The following DOCK4 variants were observed in gnomAD, a reference collection of about 807,000 sequenced individuals.
The protein encoded by DOCK4 is dedicator of cytokinesis protein 4.
DOCK4 carries 97 observed loss-of-function variants against 268.1 expected under a neutral mutation model. That is an observed-to-expected ratio of 0.36 (90% CI 0.31 to 0.43). DOCK4 has a LOEUF of 0.43. Ranked by LOEUF, DOCK4 falls within the 20% of genes least tolerant of loss-of-function variation. The pLI, the probability that DOCK4 is intolerant of heterozygous loss-of-function variation, is 1.00. For missense variants in DOCK4, 2,145 were observed against 2,455.7 expected, an observed-to-expected ratio of 0.87 and a Z score of 2.67; for synonymous variants, 954 against 887.2, an observed-to-expected ratio of 1.08 and a Z score of -1.34.
chr7:112,062,769 TC>T (rs1806544289), intron 1 of DOCK4, among the ~76,000 whole-genome samples: 1 of 152,144 alleles, frequency 6.6e-6, no homozygotes, highest in Non-Finnish European at 1.5e-5. Flanking sequence ...AACCTCCACC[TC>T]CCGGGTTCAA....
intron 1 of DOCK4, among the ~76,000 whole-genome samples, chr7:112,204,910 A>ACAC: frequency 8.1e-6 from 1 of 123,250 alleles, no homozygotes; most frequent in Non-Finnish European, 1.9e-5. Context: ...CACACACACA[A>ACAC]AGTACACCAG....
intron 1 of DOCK4, among the ~76,000 whole-genome samples, chr7:112,173,381 A>C (rs762835428): frequency 6.6e-6 from 1 of 152,180 alleles, no homozygotes; most frequent in Non-Finnish European, 1.5e-5. Flanking sequence ...TTGTTGTACT[A>C]AATTATTTTC....
chr7:111,760,358 T>A, intron 39 of DOCK4, 36 bp from the exon 40 acceptor site: 1 of 1,598,298 alleles, frequency 6.3e-7, no homozygotes, highest in Non-Finnish European at 8.5e-7. Flanking sequence ...TAGGGCTATA[T>A]AACTGAGTGG....
chr7:112,136,442 G>T (rs1176570001), intron 1 of DOCK4, among the ~76,000 whole-genome samples: 2 of 152,106 alleles, frequency 1.3e-5, no homozygotes, highest in Admixed American at 1.3e-4. Context: ...AGACAATTAC[G>T]AGAAGATAAA....
At chr7:111,963,299 G>T (rs981825003) in intron 8 of DOCK4, among the ~76,000 whole-genome samples, 1 of 146,140 alleles carries the variant, frequency 6.8e-6, no homozygotes, top group Non-Finnish European at 1.5e-5. Context: ...GAGGTACCGG[G>T]TTCATCTCAC....
At chr7:111,848,735 G>T (rs1020705384) in intron 23 of DOCK4, among the ~76,000 whole-genome samples, 3 of 152,058 alleles carry the variant, frequency 2.0e-5, no homozygotes, top group East Asian at 1.9e-4. Flanking sequence ...TGGGGGCAGG[G>T]AACTTAAGGC....
chr7:111,939,264 C>T (rs757830789), intron 11 of DOCK4, among the ~76,000 whole-genome samples: 6 of 151,946 alleles, frequency 3.9e-5, no homozygotes, highest in Non-Finnish European at 7.4e-5. Flanking sequence ...GCCTGTAATC[C>T]CAGCACTTTG....
chr7:112,122,409 T>A (rs1337240408), intron 1 of DOCK4, among the ~76,000 whole-genome samples: 1 of 148,256 alleles, frequency 6.7e-6, no homozygotes, highest in Non-Finnish European at 1.5e-5. Flanking sequence ...GGTCATTATG[T>A]TTTAAGATTG....
At chr7:111,862,906 G>A (rs948337165) in intron 23 of DOCK4, 16 of 170,292 alleles carry the variant, frequency 9.4e-5, no homozygotes, top group South Asian at 1.4e-4. Flanking sequence ...TTATTTATTC[G>A]GGAAAAAAAA....
chr7:112,030,357 C>G (rs988572865), intron 1 of DOCK4, among the ~76,000 whole-genome samples: 14 of 152,186 alleles, frequency 9.2e-5, no homozygotes, highest in Admixed American at 9.2e-4. Context: ...CTATGAATAA[C>G]CCACTTGGCT....
chr7:111,830,276 A>G (rs1299180762), intron 26 of DOCK4, among the ~76,000 whole-genome samples: 1 of 152,092 alleles, frequency 6.6e-6, no homozygotes, highest in Non-Finnish European at 1.5e-5. Context: ...AATACAAAAA[A>G]TCCGCCGGGC....
chr7:112,185,095 A>C (rs1012106659), intron 1 of DOCK4, among the ~76,000 whole-genome samples: 9 of 152,162 alleles, frequency 5.9e-5, no homozygotes, highest in Admixed American at 1.3e-4. Flanking sequence ...AAAATAAAGA[A>C]TCTATAGGAA....
intron 1 of DOCK4, among the ~76,000 whole-genome samples, chr7:112,038,830 C>T (rs1159458144): frequency 6.6e-6 from 1 of 152,182 alleles, no homozygotes; most frequent in Admixed American, 6.5e-5. Context: ...CTTCAGTCAC[C>T]AACTGTAATG....
chr7:112,110,464 A>G (rs1811552694), intron 1 of DOCK4, among the ~76,000 whole-genome samples: 1 of 152,208 alleles, frequency 6.6e-6, no homozygotes, highest in South Asian at 2.1e-4. Context: ...ATGGGATAGA[A>G]TACACTTAAA....
chr7:111,949,949 C>T (rs868330425), intron 8 of DOCK4, among the ~76,000 whole-genome samples: 31 of 152,192 alleles, frequency 2.0e-4, no homozygotes, highest in African/African-American at 7.2e-4. Flanking sequence ...TCTTTTGAGA[C>T]GGAGTCTCGT....
At chr7:111,790,639 T>C in intron 30 of DOCK4, 34 bp from the exon 31 acceptor site, 1 of 1,544,852 alleles carries the variant, frequency 6.5e-7, no homozygotes, top group Non-Finnish European at 8.7e-7. Context: ...TTTCAATATA[T>C]TCAATCTTAA....
intron 26 of DOCK4, among the ~76,000 whole-genome samples, chr7:111,833,750 T>A (rs1452184678): frequency 6.6e-6 from 1 of 152,154 alleles, no homozygotes; most frequent in Non-Finnish European, 1.5e-5. Flanking sequence ...GACCCCTATG[T>A]ACTATCTATA....
chr7:112,144,303 A>G (rs1306297007), intron 1 of DOCK4, among the ~76,000 whole-genome samples: 2 of 152,226 alleles, frequency 1.3e-5, no homozygotes, highest in Non-Finnish European at 2.9e-5. Flanking sequence ...AGCACTATTC[A>G]GTAAATGTTG....
chr7:111,735,078 CA>C lies in DOCK4; in HGVS notation c.5394del (p.Val1799SerfsTer28). 1.3e-6 allele frequency: 2 copies of C among 1,597,100 alleles called. No homozygotes were observed. The highest frequency in any genetic ancestry group is 1.7e-6 in the Non-Finnish European group (2 of 1,171,500). The part of the protein sequence containing the change: ...MSDSGKLISP[P>X]VPPRPTQTAS... ...CCAGTCTGTGTGGGTCTTGGAGGGA[CA>C]GGGGGAGAGATAAGTTTCCCACTAT... On this transcript the variant is annotated frameshift_variant, in exon 51 of 53. Coordinates refer to ENST00000428084, the MANE Select transcript of DOCK4 (RefSeq NM_001363540.2). LOFTEE classifies it high-confidence loss of function.
Sources: allele counts gnomAD v4.1 joint callset (sites outside exome capture counted in the v4.1 genomes callset), GRCh38; gene constraint gnomAD v4.1.1; transcripts MANE v1.5; gene names NCBI Gene and HGNC (gene_info 2026-07-23, HGNC 2026-07-21).